Variants in RPS6KC1 observed in about 807,000 individuals in gnomAD.
RPS6KC1 encodes the protein inactive ribosomal protein S6 kinase delta-1.
A neutral mutation model predicts 103.8 loss-of-function variants in RPS6KC1; 54 were observed. The observed-to-expected ratio is 0.52, with a 90% confidence interval of 0.42 to 0.65. The LOEUF is 0.65. RPS6KC1 is among the 30% of genes least tolerant of loss of function. The pLI, the probability that RPS6KC1 is intolerant of heterozygous loss-of-function variation, is 0.00. For missense variants in RPS6KC1, 1,151 were observed against 1,253.8 expected, an observed-to-expected ratio of 0.92 and a Z score of 1.24; for synonymous variants, 439 against 438.7, an observed-to-expected ratio of 1.00 and a Z score of -0.01.
At chr1:213,440,205 C>G in the RPS6KC1 span, among the ~76,000 whole-genome samples, 1 of 152,096 alleles carries the variant, frequency 6.6e-6, no homozygotes, top group African/African-American at 2.4e-5. Flanking sequence ...CCTACGAGCT[C>G]AAAAATGCCA....
chr1:213,612,689 T>A, the RPS6KC1 span, among the ~76,000 whole-genome samples: 3 of 152,348 alleles, frequency 2.0e-5, no homozygotes, highest in South Asian at 4.1e-4. Flanking sequence ...ATAGTCTCAG[T>A]ATAAATCCAA....
chr1:213,537,826 G>T, the RPS6KC1 span, among the ~76,000 whole-genome samples: 2 of 152,160 alleles, frequency 1.3e-5, no homozygotes, highest in Admixed American at 1.3e-4. Context: ...GAGATGTTTA[G>T]ATTATTGATG....
chr1:213,217,451 G>T (rs1277114310), intron 8 of RPS6KC1, among the ~76,000 whole-genome samples: 1 of 152,152 alleles, frequency 6.6e-6, no homozygotes, highest in African/African-American at 2.4e-5. Context: ...GTACAAAGAT[G>T]AGCTGGTACT....
intron 3 of RPS6KC1, among the ~76,000 whole-genome samples, chr1:213,083,120 A>G (rs530367423): frequency 6.6e-6 from 1 of 152,264 alleles, no homozygotes; most frequent in African/African-American, 2.4e-5. Flanking sequence ...ATGCAGAAAC[A>G]TTGTTAGCTT....
At chr1:213,176,358 T>C in intron 7 of RPS6KC1, 42 bp from the exon 8 acceptor site, 1 of 1,389,412 alleles carries the variant, frequency 7.2e-7, no homozygotes. Context: ...TTCCTTCAAG[T>C]ACCTCCCTGA....
intron 3 of RPS6KC1, among the ~76,000 whole-genome samples, chr1:213,102,294 C>T (rs2082086934): frequency 6.6e-6 from 1 of 152,106 alleles, no homozygotes; most frequent in Admixed American, 6.6e-5. Flanking sequence ...CGCTATGTTG[C>T]CCAGGCTGAG....
chr1:213,837,237 A>C, the RPS6KC1 span: 2 of 152,160 alleles, frequency 1.3e-5, no homozygotes, highest in Non-Finnish European at 2.9e-5. Context: ...ATTGCATGGA[A>C]TACAGTAACC....
chr1:213,710,527 A>G, the RPS6KC1 span, among the ~76,000 whole-genome samples: 1 of 152,096 alleles, frequency 6.6e-6, no homozygotes, highest in African/African-American at 2.4e-5. Flanking sequence ...TAAGGTTAAT[A>G]TTGTTATGTG....
the RPS6KC1 span, among the ~76,000 whole-genome samples, chr1:213,586,211 A>C: frequency 6.6e-6 from 1 of 152,190 alleles, no homozygotes; most frequent in Non-Finnish European, 1.5e-5. Context: ...ACATTACATT[A>C]CAAGAGGATC....
the RPS6KC1 span, among the ~76,000 whole-genome samples, chr1:213,463,320 G>A: frequency 6.6e-6 from 1 of 152,154 alleles, no homozygotes; most frequent in Admixed American, 6.5e-5. Context: ...GCTTCAGTTT[G>A]AATCTGAGCC....
At chr1:213,530,383 T>G in the RPS6KC1 span, among the ~76,000 whole-genome samples, 2 of 152,242 alleles carry the variant, frequency 1.3e-5, no homozygotes, top group Non-Finnish European at 1.5e-5. Context: ...GAATTTTCTC[T>G]CAGGCTTTCA....
chr1:213,102,009 G>A (rs2082060832), intron 3 of RPS6KC1, among the ~76,000 whole-genome samples: 1 of 152,144 alleles, frequency 6.6e-6, no homozygotes, highest in Non-Finnish European at 1.5e-5. Context: ...ATAGGTAAGC[G>A]AGTAGTGTCA....
chr1:213,676,127 G>A, the RPS6KC1 span, among the ~76,000 whole-genome samples: 97 of 152,200 alleles, frequency 6.4e-4, no homozygotes, highest in Non-Finnish European at 1.3e-3. Flanking sequence ...ACCTTTACAC[G>A]TGTTGTTCTC....
chr1:213,812,833 A>G, the RPS6KC1 span, among the ~76,000 whole-genome samples: 1 of 152,200 alleles, frequency 6.6e-6, no homozygotes, highest in Non-Finnish European at 1.5e-5. Context: ...GTGGGGAGCT[A>G]AATTCCTCTT....
the RPS6KC1 span, among the ~76,000 whole-genome samples, chr1:213,696,251 G>T: frequency 1.3e-5 from 2 of 152,124 alleles, no homozygotes; most frequent in East Asian, 3.9e-4. Flanking sequence ...TGTAATTCCG[G>T]CACTTTGGGA....
the RPS6KC1 span, among the ~76,000 whole-genome samples, chr1:213,828,513 C>A: frequency 6.6e-6 from 1 of 152,054 alleles, no homozygotes; most frequent in African/African-American, 2.4e-5. Flanking sequence ...AATCAGAAAC[C>A]GGATTGAACT....
the RPS6KC1 span, among the ~76,000 whole-genome samples, chr1:213,702,104 A>G: frequency 6.6e-6 from 1 of 151,610 alleles, no homozygotes; most frequent in African/African-American, 2.4e-5. Flanking sequence ...AAGTTTTGGT[A>G]TGTTGTGTTT....
At chr1:213,320,317 G>A in the RPS6KC1 span, among the ~76,000 whole-genome samples, 1 of 152,214 alleles carries the variant, frequency 6.6e-6, no homozygotes, top group Non-Finnish European at 1.5e-5. Context: ...TTAATACACT[G>A]CATTGAATGC....
intron 6 of RPS6KC1, among the ~76,000 whole-genome samples, chr1:213,136,972 T>C (rs1036080858): frequency 2.0e-5 from 3 of 152,124 alleles, no homozygotes; most frequent in African/African-American, 7.2e-5. Context: ...AGGACTTCAG[T>C]GTGAGCCATG....
Sources: allele counts gnomAD v4.1 joint callset (sites outside exome capture counted in the v4.1 genomes callset), GRCh38; gene constraint gnomAD v4.1.1; transcripts MANE v1.5; gene names NCBI Gene and HGNC (gene_info 2026-07-23, HGNC 2026-07-21).